Variants in GTF2F2 observed in about 807,000 individuals in gnomAD.
GTF2F2 encodes ATP-dependent helicase GTF2F2.
In GTF2F2, 23 loss-of-function variants were observed where a neutral mutation model predicts 42.2. The ratio of observed to expected loss-of-function variants is 0.55; its 90% CI spans 0.39 to 0.77. The LOEUF is 0.77. GTF2F2 is among the 30% of genes least tolerant of loss of function. The pLI, the probability that GTF2F2 is intolerant of heterozygous loss-of-function variation, is 0.00. For missense variants in GTF2F2, 261 were observed against 287.2 expected (o/e 0.91, Z 0.66); for synonymous variants, 105 against 100.8 (o/e 1.04, Z -0.25).
At chr13:45,243,907 C>T (rs1235753269) in intron 5 of GTF2F2, among the ~76,000 whole-genome samples, 1 of 152,186 alleles carries the variant, frequency 6.6e-6, no homozygotes, top group Non-Finnish European at 1.5e-5. Flanking sequence ...GTGATCCACC[C>T]ACCTTGGCCT....
chr13:45,224,655 A>G (rs1231288311), intron 5 of GTF2F2, among the ~76,000 whole-genome samples: 1 of 152,230 alleles, frequency 6.6e-6, no homozygotes. Flanking sequence ...TGAAACTCAG[A>G]TATATAATAA....
chr13:45,194,238 A>G (rs1872774849), intron 4 of GTF2F2: 1 of 1,614,036 alleles, frequency 6.2e-7, no homozygotes, highest in African/African-American at 1.3e-5. Flanking sequence ...CTTCTTGTGC[A>G]AGAAGTTGAT....
chr13:45,205,861 CT>C (rs940660097), intron 4 of GTF2F2, among the ~76,000 whole-genome samples: 2 of 152,124 alleles, frequency 1.3e-5, no homozygotes, highest in African/African-American at 4.8e-5. Context: ...CTTTATTGGA[CT>C]TTCCTTATGC....
intron 4 of GTF2F2, among the ~76,000 whole-genome samples, chr13:45,168,858 T>C (rs1871439721): frequency 7.3e-6 from 1 of 137,314 alleles, no homozygotes; most frequent in Non-Finnish European, 1.6e-5. Context: ...CCTCTTTCCT[T>C]CCCTCCTTGC....
chr13:45,127,684 G>C (rs1055243355), intron 1 of GTF2F2, among the ~76,000 whole-genome samples: 1 of 151,850 alleles, frequency 6.6e-6, no homozygotes, highest in African/African-American at 2.4e-5. Flanking sequence ...CAGGCTGGGC[G>C]TGCAGTAGCA....
In GTF2F2 at chr13:45,262,900, C is replaced by A. The variant is rs1326540933; in HGVS notation, c.487-4333C>A. ...GCTGGGACTACAGGCTCGTTCATGGCTAATTTTGTAGAGATGGGTCTCACT... is the reference window on the plus strand; with the variant it reads ...GCTGGGACTACAGGCTCGTTCATGGATAATTTTGTAGAGATGGGTCTCACT... On this transcript the variant is annotated intron_variant, in intron 6 of 7. Coordinates refer to ENST00000340473, the MANE Select transcript of GTF2F2 (RefSeq NM_004128.3). 2.6e-5 allele frequency among the ~76,000 whole-genome samples: 4 copies of A among 151,662 alleles called. 1 individual carries two copies. The South Asian group carries it at 8.3e-4, about 32-fold the overall frequency.
At chr13:45,246,184 ATTT>A in intron 5 of GTF2F2, among the ~76,000 whole-genome samples, 1 of 149,620 alleles carries the variant, frequency 6.7e-6, no homozygotes, top group Middle Eastern at 3.2e-3. Context: ...AATTTTTTGT[ATTT>A]TTTTTAGTAG....
chr13:45,202,440 G>GGT (rs78236433), intron 4 of GTF2F2, among the ~76,000 whole-genome samples: 25,831 of 151,570 alleles, frequency 0.17, 2,504 homozygotes, highest in Non-Finnish European at 0.22. Flanking sequence ...CATCTGAGTG[G>GGT]GTGTGTGTGT....
chr13:45,177,274 A>T (rs1282941639), intron 4 of GTF2F2, among the ~76,000 whole-genome samples: 1 of 152,080 alleles, frequency 6.6e-6, no homozygotes, highest in Non-Finnish European at 1.5e-5. Flanking sequence ...TCTCTTCTCC[A>T]GTGGTTGATA....
At chr13:45,230,791 A>G (rs1874637008) in intron 5 of GTF2F2, among the ~76,000 whole-genome samples, 1 of 152,214 alleles carries the variant, frequency 6.6e-6, no homozygotes, top group Non-Finnish European at 1.5e-5. Flanking sequence ...ACTACCATCT[A>G]CTAAAATGTA....
intron 6 of GTF2F2, among the ~76,000 whole-genome samples, chr13:45,266,976 C>T (rs545521297): frequency 2.5e-4 from 38 of 152,000 alleles, no homozygotes; most frequent in Middle Eastern, 3.2e-3. Flanking sequence ...GGTGAAACCC[C>T]GTCTCTACCA....
chr13:45,275,228 TGA>T (rs1269316497), intron 7 of GTF2F2, among the ~76,000 whole-genome samples: 2 of 152,164 alleles, frequency 1.3e-5, no homozygotes, highest in African/African-American at 2.4e-5. Flanking sequence ...GTCCTCAGTA[TGA>T]GAGATTGGCT....
intron 5 of GTF2F2, among the ~76,000 whole-genome samples, chr13:45,217,964 G>C (rs1402271847): frequency 6.6e-6 from 1 of 152,136 alleles, no homozygotes; most frequent in East Asian, 1.9e-4. Context: ...AGTCAAACTG[G>C]GTATTTGGTT....
At chr13:45,252,456 C>G (rs1431963569) in intron 5 of GTF2F2, among the ~76,000 whole-genome samples, 1 of 152,162 alleles carries the variant, frequency 6.6e-6, no homozygotes, top group Non-Finnish European at 1.5e-5. Context: ...GATGTATTCT[C>G]TTTTTATTTA....
At chr13:45,122,522 T>TA (rs1216881406) in intron 1 of GTF2F2, among the ~76,000 whole-genome samples, 1 of 152,002 alleles carries the variant, frequency 6.6e-6, no homozygotes, top group Non-Finnish European at 1.5e-5. Flanking sequence ...TAGTCCCAGC[T>TA]ACTTGGGAGG....
intron 4 of GTF2F2, among the ~76,000 whole-genome samples, chr13:45,171,412 T>A (rs543202195): frequency 2.6e-5 from 4 of 152,226 alleles, no homozygotes; most frequent in South Asian, 2.1e-4. Context: ...AAGAAACAGG[T>A]TTAAGTAATT....
intron 1 of GTF2F2, among the ~76,000 whole-genome samples, chr13:45,124,331 C>T (rs1020942001): frequency 1.3e-5 from 2 of 151,804 alleles, no homozygotes; most frequent in African/African-American, 4.8e-5. Flanking sequence ...ATCCACCCGC[C>T]TCTGCCTCCC....
chr13:45,204,977 A>T (rs1159247398), intron 4 of GTF2F2, among the ~76,000 whole-genome samples: 4 of 152,146 alleles, frequency 2.6e-5, no homozygotes, highest in African/African-American at 9.7e-5. Context: ...GTTGCTGTGG[A>T]CCTGATTTCT....
intron 2 of GTF2F2, among the ~76,000 whole-genome samples, chr13:45,140,878 A>G (rs1360540985): frequency 2.6e-5 from 4 of 152,218 alleles, no homozygotes; most frequent in Admixed American, 2.6e-4. Context: ...GGTATTGTGG[A>G]GTGCCTTCAC....
Sources: allele counts gnomAD v4.1 joint callset (sites outside exome capture counted in the v4.1 genomes callset), GRCh38; gene constraint gnomAD v4.1.1; transcripts MANE v1.5; gene names NCBI Gene and HGNC (gene_info 2026-07-23, HGNC 2026-07-21).